Variants in BRCA1 observed in about 807,000 individuals in gnomAD.
The protein encoded by BRCA1 is breast cancer type 1 susceptibility protein.
Under a neutral mutation model 173.7 loss-of-function variants are expected in BRCA1, and 140 were observed. The observed-to-expected ratio is 0.81, with a 90% CI of 0.70 to 0.93. BRCA1 has a LOEUF of 0.93. BRCA1 is among the 40% of genes least tolerant of loss of function. BRCA1 has a pLI of 0.00. For synonymous variants in BRCA1, 662 were observed against 756.0 expected (o/e 0.88, Z 2.04); for missense variants, 1,983 against 2,172.5 (o/e 0.91, Z 1.73).
intron 1 of BRCA1, chr17:43,139,767 C>T (rs1226116676): frequency 2.3e-6 from 1 of 432,960 alleles, no homozygotes; most frequent in South Asian, 1.6e-5. Context: ...ATTTAGCTCC[C>T]ACTTATAAGT....
intron 1 of BRCA1, chr17:43,160,486 T>C (rs966172207): frequency 2.0e-5 from 3 of 152,054 alleles, no homozygotes; most frequent in African/African-American, 7.2e-5. Flanking sequence ...GCACCAGTAA[T>C]TAGATTGGAA....
At chr17:43,138,392 G>T in intron 1 of BRCA1, 1 of 535,354 alleles carries the variant, frequency 1.9e-6, no homozygotes, top group Non-Finnish European at 3.4e-6. Context: ...AATCAACTCA[G>T]GGCATGGTTG....
chr17:43,117,920 T>C (rs1215963256), intron 2 of BRCA1, among the ~76,000 whole-genome samples: 2 of 152,208 alleles, frequency 1.3e-5, no homozygotes, highest in East Asian at 3.8e-4. Context: ...GATAGAAATG[T>C]AGCAGTTTAC....
In BRCA1 at chr17:43,045,661, C is replaced by T. The variant is rs2152470975; in HGVS notation, c.*17G>A. On this transcript the variant is annotated 3_prime_UTR_variant, in exon 23 of 23. Transcript: ENST00000357654. ...ATTCTTGGGGTCCTGTGGCTCTGTA[C>T]CTGTGGCTGGCTGCAGTCAGTAGTG... 6.2e-7 allele frequency: 1 copy of T among 1,613,690 alleles called. No individual in the cohort carries two copies. The highest frequency in any genetic ancestry group is 1.1e-5 in the South Asian group (1 of 91,046).
chr17:43,125,276 C>T lies in BRCA1; in HGVS notation c.-25G>A, dbSNP rs1057520890. 1 of 456,254 alleles carries T rather than the reference C, an allele frequency of 2.2e-6. No individual in the cohort carries two copies. The highest frequency in any genetic ancestry group is 6.9e-5 in the East Asian group (1 of 14,392). The allele number at this position is 456,254 out of a possible 1,614,324, so 28.3% of individuals were successfully genotyped here. A position where few individuals can be genotyped will look rare whatever the true frequency, so the allele number is the denominator to read the frequency against. On this transcript the variant is annotated 5_prime_UTR_variant, in exon 1 of 23. Coordinates refer to ENST00000357654, the MANE Select transcript of BRCA1 (RefSeq NM_007294.4). Reference sequence around the variant, plus strand: ...CTTTCCCGGGACTCTACTACCTTTACCCAGAGCAGAGGGTGAAGGCCTCCT... The same window carrying T: ...CTTTCCCGGGACTCTACTACCTTTATCCAGAGCAGAGGGTGAAGGCCTCCT...
At chr17:43,124,726 C>T (rs1050582200) in intron 1 of BRCA1, 2 of 200,776 alleles carry the variant, frequency 1.0e-5, no homozygotes, top group Admixed American at 1.1e-4. Context: ...GTCCCATCCT[C>T]TCATACATAC....
intron 13 of BRCA1, among the ~76,000 whole-genome samples, chr17:43,075,720 G>A (rs1040400795): frequency 3.9e-5 from 6 of 151,950 alleles, no homozygotes; most frequent in Non-Finnish European, 8.8e-5. Context: ...CTGCCACCAC[G>A]CCTGGCCCTC....
rs569170973 is a variant in BRCA1, at chr17:43,071,755, G to C, written c.4676-517C>G. Among the ~76,000 whole-genome samples the C allele has an allele frequency of 1.7e-3, 253 of 150,828 alleles. 1 individual carries two copies. Among genetic ancestry groups the C allele is most frequent in the Non-Finnish European group, 3.1e-3 (210 of 68,026 alleles). On this transcript the variant is annotated intron_variant, in intron 14 of 22. Coordinates refer to ENST00000357654, the MANE Select transcript of BRCA1 (RefSeq NM_007294.4). ...ACGGTGGCTCACACCTGTAATCCCA[G>C]CACTTTGGGAGGCCGAGACGGGTGG...
In BRCA1 at chr17:43,112,733, A is replaced by T. The variant is rs371133200; in HGVS notation, c.134+2993T>A. The T allele has an allele frequency of 0.45, 68,140 of 151,660 alleles. 17,015 individuals carry two copies. The highest frequency in any genetic ancestry group is 0.68 in the African/African-American group (28,109 of 41,340). 9.4% of individuals were successfully genotyped at this position (151,660 alleles called of 1,614,324 possible). A position where few individuals can be genotyped will look rare whatever the true frequency, so the allele number is the denominator to read the frequency against. ...TGACTATCACAATCCTGACTATCAC[A>T]AGCTTGAAACCAAGCTTCTCACTCT... On this transcript the variant is annotated intron_variant, in intron 3 of 22. Transcript: ENST00000357654.
At chr17:43,146,262 A>G (rs1184974922) in intron 1 of BRCA1, among the ~76,000 whole-genome samples, 1 of 151,624 alleles carries the variant, frequency 6.6e-6, no homozygotes, top group Non-Finnish European at 1.5e-5. Context: ...TAACTTTTAA[A>G]AAGAATTACA....
chr17:43,083,985 C>T (rs912195945), intron 11 of BRCA1, among the ~76,000 whole-genome samples: 35 of 151,484 alleles, frequency 2.3e-4, no homozygotes, highest in African/African-American at 7.5e-4. Flanking sequence ...CTGCCTCAGC[C>T]TCTCAAGTAG....
At chr17:43,127,907 C>T (rs563255893), upstream of BRCA1, among the ~76,000 whole-genome samples, 68 of 151,654 alleles carry the variant, frequency 4.5e-4, no homozygotes, top group African/African-American at 1.6e-3. Flanking sequence ...GCCTGTAATC[C>T]CCTCTACTGG....
intron 20 of BRCA1, chr17:43,050,192 T>A (rs1047819037): frequency 1.0e-5 from 4 of 398,352 alleles, no homozygotes; most frequent in Non-Finnish European, 1.8e-5. Flanking sequence ...TAGCTTTTGC[T>A]GTGAAAAGAA....
Position 43,074,861 on chromosome 17 carries a change from C to T in BRCA1, c.4485-340G>A, listed in dbSNP as rs8176209. 5.9e-3 allele frequency among the ~76,000 whole-genome samples: 894 copies of T among 151,398 alleles called. 14 individuals carry two copies. Among genetic ancestry groups the T allele is most frequent in the African/African-American group, 0.021 (852 of 41,160 alleles). On this transcript the variant is annotated intron_variant, in intron 13 of 22. Transcript: ENST00000357654. Reference sequence around the variant, plus strand: ...GCTTGAACCTGGGAGACAGAGGTTGCAGTGAGCCGAGATCACGCCACTGCA... The same window carrying T: ...GCTTGAACCTGGGAGACAGAGGTTGTAGTGAGCCGAGATCACGCCACTGCA...
At chr17:43,073,650 C>T (rs929724320) in intron 14 of BRCA1, among the ~76,000 whole-genome samples, 1 of 151,880 alleles carries the variant, frequency 6.6e-6, no homozygotes, top group Non-Finnish European at 1.5e-5. Flanking sequence ...AAAAAACTTG[C>T]TTTGGGATTT....
chr17:43,128,050 A>AAT (rs2055929819), upstream of BRCA1, among the ~76,000 whole-genome samples: 1 of 148,642 alleles, frequency 6.7e-6, no homozygotes, highest in Non-Finnish European at 1.5e-5. Flanking sequence ...AAAAAAAAAA[A>AAT]TGCAGGCTGC....
chr17:43,079,430 G>C (rs777655282), intron 12 of BRCA1: 1 of 1,552,176 alleles, frequency 6.4e-7, no homozygotes, highest in South Asian at 1.1e-5. Flanking sequence ...TAGACATCAA[G>C]GGAACGGGTA....
At chr17:43,123,111 G>A (rs1216418162) in intron 2 of BRCA1, among the ~76,000 whole-genome samples, 1 of 151,564 alleles carries the variant, frequency 6.6e-6, no homozygotes, top group African/African-American at 2.4e-5. Context: ...CACACCTATC[G>A]TCCCTGCTAC....
chr17:43,057,651 C>T (rs1597811933), intron 18 of BRCA1, among the ~76,000 whole-genome samples: 7 of 151,302 alleles, frequency 4.6e-5, no homozygotes, highest in Admixed American at 2.0e-4. Context: ...CTGGCTAACA[C>T]GGTGAAACCC....
Sources: gnomAD v4.1 joint callset for allele counts (sites outside exome capture counted in the v4.1 genomes callset) on GRCh38, gnomAD v4.1.1 for gene constraint, MANE v1.5 for transcripts, NCBI Gene and HGNC (gene_info 2026-07-23, HGNC 2026-07-21) for gene names.